The following TAS2R1 variants were observed in gnomAD, a reference collection of about 807,000 sequenced individuals.
TAS2R1 encodes taste 2 receptor member 1.
For synonymous variants in TAS2R1, 141 were observed against 134.2 expected, an observed-to-expected ratio of 1.05 and a Z score of -0.35; for missense variants, 370 against 353.4, an observed-to-expected ratio of 1.05 and a Z score of -0.38.
At chr5:9,814,853 A>T in the TAS2R1 span, among the ~76,000 whole-genome samples, 1 of 152,232 alleles carries the variant, frequency 6.6e-6, no homozygotes, top group Non-Finnish European at 1.5e-5. Flanking sequence ...GAAAAGTCCC[A>T]CTAACTTAGT....
chr5:9,818,273 T>C, the TAS2R1 span, among the ~76,000 whole-genome samples: 1 of 152,178 alleles, frequency 6.6e-6, no homozygotes, highest in Non-Finnish European at 1.5e-5. Flanking sequence ...AGACATTTTC[T>C]TACCTCATTA....
At chr5:9,842,316 C>CGTT in the TAS2R1 span, among the ~76,000 whole-genome samples, 38 of 116,230 alleles carry the variant, frequency 3.3e-4, 3 homozygotes, top group Middle Eastern at 5.7e-3. Context: ...TTCTTTCTCT[C>CGTT]TTTTTTTTTT....
At chr5:9,642,358 A>G (rs1474104945) in intron 2 of TAS2R1, among the ~76,000 whole-genome samples, 1 of 152,180 alleles carries the variant, frequency 6.6e-6, no homozygotes, top group African/African-American at 2.4e-5. Context: ...TGTATATTTA[A>G]TAAGATCATT....
intron 1 of TAS2R1, among the ~76,000 whole-genome samples, chr5:9,697,194 C>A (rs1741379375): frequency 2.0e-5 from 3 of 151,368 alleles, no homozygotes; most frequent in Admixed American, 6.6e-5. Context: ...AAAAGACAAC[C>A]TCTTGAAACA....
At chr5:9,741,196 T>A in the TAS2R1 span, among the ~76,000 whole-genome samples, 1 of 152,098 alleles carries the variant, frequency 6.6e-6, no homozygotes, top group Non-Finnish European at 1.5e-5. Context: ...TAGAACACAA[T>A]CACACCCTCC....
the TAS2R1 span, among the ~76,000 whole-genome samples, chr5:9,769,807 G>C: frequency 6.6e-6 from 1 of 152,014 alleles, no homozygotes; most frequent in Admixed American, 6.6e-5. Context: ...GTATATTCTG[G>C]TTACTAATCC....
the TAS2R1 span, among the ~76,000 whole-genome samples, chr5:9,810,036 A>G: frequency 6.6e-6 from 1 of 152,096 alleles, no homozygotes; most frequent in African/African-American, 2.4e-5. Context: ...TTTTATTTTT[A>G]TTATTGATTC....
At chr5:9,854,490 G>A in the TAS2R1 span, 1 of 152,062 alleles carries the variant, frequency 6.6e-6, no homozygotes. Context: ...TCTTCTTCAG[G>A]CTAAGGGATT....
At chr5:9,792,444 A>G in the TAS2R1 span, among the ~76,000 whole-genome samples, 10 of 152,322 alleles carry the variant, frequency 6.6e-5, no homozygotes, top group African/African-American at 2.4e-4. Flanking sequence ...TTCCCGTGTT[A>G]TAACTTTGAA....
upstream of TAS2R1, among the ~76,000 whole-genome samples, chr5:9,714,546 T>G (rs1734767847): frequency 6.6e-6 from 1 of 152,206 alleles, no homozygotes. Context: ...CTCTGCTCTG[T>G]AAAGGAGGTC....
the TAS2R1 span, among the ~76,000 whole-genome samples, chr5:9,788,410 G>C: frequency 6.6e-6 from 1 of 152,058 alleles, no homozygotes; most frequent in African/African-American, 2.4e-5. Flanking sequence ...GCTGTGCATG[G>C]CTAATACAGC....
chr5:9,842,778 C>G, the TAS2R1 span, among the ~76,000 whole-genome samples: 1 of 151,952 alleles, frequency 6.6e-6, no homozygotes, highest in East Asian at 1.9e-4. Context: ...TTACTGTTTA[C>G]TAGGGCCTCT....
At chr5:9,829,780 G>T in the TAS2R1 span, among the ~76,000 whole-genome samples, 1 of 151,956 alleles carries the variant, frequency 6.6e-6, no homozygotes, top group African/African-American at 2.4e-5. Context: ...TTCCTCCAGA[G>T]ATCAAGACAG....
At chr5:9,686,418 G>C (rs530719042) in intron 1 of TAS2R1, among the ~76,000 whole-genome samples, 3 of 152,292 alleles carry the variant, frequency 2.0e-5, no homozygotes, top group African/African-American at 4.8e-5. Flanking sequence ...TTAGTCACCA[G>C]ATGGGAAATC....
chr5:9,896,516 TAACCGCCGACCCA>T, the TAS2R1 span, among the ~76,000 whole-genome samples: 44 of 152,256 alleles, frequency 2.9e-4, 1 homozygote, highest in South Asian at 7.1e-3. Flanking sequence ...CTCCCTTCTC[TAACCGCCGACCCA>T]AACCGCCGAC....
chr5:9,679,369 G>C (rs550627961), intron 1 of TAS2R1, among the ~76,000 whole-genome samples: 1 of 152,222 alleles, frequency 6.6e-6, no homozygotes, highest in Non-Finnish European at 1.5e-5. Context: ...AGATCATTTT[G>C]AGGTTGGGGG....
At chr5:9,693,276 A>G (rs1206712536) in intron 1 of TAS2R1, among the ~76,000 whole-genome samples, 1 of 152,208 alleles carries the variant, frequency 6.6e-6, no homozygotes, top group Non-Finnish European at 1.5e-5. Flanking sequence ...TGGGAGGCCA[A>G]GGTGGGTGGA....
the TAS2R1 span, among the ~76,000 whole-genome samples, chr5:9,783,819 G>C: frequency 6.6e-6 from 1 of 152,198 alleles, no homozygotes; most frequent in African/African-American, 2.4e-5. Context: ...GGAAGAACTT[G>C]TGCACAGTTA....
At chr5:9,854,631 T>C in the TAS2R1 span, 1 of 152,028 alleles carries the variant, frequency 6.6e-6, no homozygotes, top group Admixed American at 6.6e-5. Context: ...AAAAAGAAAG[T>C]TTGATGGATT....
Sources: gnomAD v4.1 joint callset for allele counts (sites outside exome capture counted in the v4.1 genomes callset) on GRCh38, gnomAD v4.1.1 for gene constraint, MANE v1.5 for transcripts, NCBI Gene and HGNC (gene_info 2026-07-23, HGNC 2026-07-21) for gene names.